The following GPM6B variants were observed in gnomAD, a reference collection of about 807,000 sequenced individuals.
The protein encoded by GPM6B is neuronal membrane glycoprotein M6-b.
A neutral mutation model predicts 27.2 loss-of-function variants in GPM6B; 4 were observed. That is an observed-to-expected ratio of 0.15 (90% CI 0.07 to 0.34). The LOEUF (loss-of-function observed/expected upper bound fraction) is 0.34, where lower values mean the gene tolerates loss of function less well. Among genes scored for constraint, GPM6B ranks in the 10% least tolerant of loss-of-function variants. GPM6B has a pLI of 1.00. For missense variants in GPM6B, 183 were observed against 261.9 expected, an observed-to-expected ratio of 0.70 and a Z score of 2.08; for synonymous variants, 124 against 103.1, an observed-to-expected ratio of 1.20 and a Z score of -1.23.
intron 1 of GPM6B, among the ~76,000 whole-genome samples, chrX:13,811,203 C>T (rs750439446): frequency 1.8e-5 from 2 of 112,411 alleles, no homozygotes; most frequent in Non-Finnish European, 3.8e-5. Context: ...ACAGACACAG[C>T]TGTGAGTGGT....
intron 2 of GPM6B, among the ~76,000 whole-genome samples, chrX:13,794,927 T>C (rs2048782071): frequency 1.8e-5 from 2 of 112,041 alleles, no homozygotes; most frequent in Non-Finnish European, 3.8e-5. Flanking sequence ...ACCCCCTTTC[T>C]TGAAAGAATG....
At chrX:13,888,982 T>C (rs1396680163) in intron 1 of GPM6B, 1 of 111,661 alleles carries the variant, frequency 9.0e-6, no homozygotes. Context: ...ACAATTTACC[T>C]GGGGCCTTTG....
intron 7 of GPM6B, chrX:13,774,681 T>A: frequency 1.0e-6 from 1 of 957,317 alleles, no homozygotes; most frequent in Non-Finnish European, 1.5e-6. Context: ...GCCGATGCCA[T>A]GACACTTCTA....
intron 1 of GPM6B, among the ~76,000 whole-genome samples, chrX:13,863,479 G>A (rs2049875448): frequency 9.0e-6 from 1 of 111,520 alleles, no homozygotes; most frequent in Non-Finnish European, 1.9e-5. Flanking sequence ...CAGCCCCAGA[G>A]AAAACCACAA....
In GPM6B at chrX:13,868,189, T is replaced by TTG. The variant is rs59057250; in HGVS notation, c.-198+70136_-198+70137dup. Among the ~76,000 whole-genome samples, 777 of 106,914 alleles carry TTG rather than the reference T, an allele frequency of 7.3e-3. 10 individuals are homozygous for TTG. The highest frequency in any genetic ancestry group is 0.024 in the African/African-American group (699 of 29,222). The allele number at this position is 106,914 out of a possible 115,157, so 92.8% of individuals were successfully genotyped here. A position where few individuals can be genotyped will look rare whatever the true frequency, so the allele number is the denominator to read the frequency against. ...CAAAAGTTGCTCATAGACATTTAAATTGTGTGTGTGTGTGTGTGTGTGTAC... is the reference window on the plus strand; with the variant it reads ...CAAAAGTTGCTCATAGACATTTAAATTGTGTGTGTGTGTGTGTGTGTGTGTAC... On this transcript the variant is annotated intron_variant, in intron 1 of 6. Coordinates refer to the GPM6B transcript ENST00000398361.
At chrX:13,871,266 G>T (rs1447790642) in intron 1 of GPM6B, among the ~76,000 whole-genome samples, 1 of 111,536 alleles carries the variant, frequency 9.0e-6, no homozygotes, top group Admixed American at 9.5e-5. Context: ...TGTATTCACT[G>T]GTTAATTCCA....
intron 1 of GPM6B, among the ~76,000 whole-genome samples, chrX:13,830,795 C>T (rs913487590): frequency 4.5e-5 from 5 of 111,663 alleles, no homozygotes; most frequent in African/African-American, 1.6e-4. Flanking sequence ...GAAAGGGAAA[C>T]GTTTTTATTT....
intron 2 of GPM6B, among the ~76,000 whole-genome samples, chrX:13,807,256 C>T (rs981937751): frequency 5.3e-5 from 6 of 112,398 alleles, no homozygotes; most frequent in East Asian, 2.8e-4. Flanking sequence ...AGGGCCAAGG[C>T]TCCTTGAAGG....
At chrX:13,871,254 C>T (rs2049975497) in intron 1 of GPM6B, among the ~76,000 whole-genome samples, 2 of 111,764 alleles carry the variant, frequency 1.8e-5, no homozygotes, top group African/African-American at 6.5e-5. Context: ...GGCTAACTGA[C>T]TTGTATTCAC....
chrX:13,830,840 G>A (rs2049430236), intron 1 of GPM6B, among the ~76,000 whole-genome samples: 1 of 111,227 alleles, frequency 9.0e-6, no homozygotes, highest in African/African-American at 3.3e-5. Context: ...CCTGCCTTTT[G>A]AACAACTGGC....
intron 2 of GPM6B, among the ~76,000 whole-genome samples, chrX:13,806,496 C>A (rs965400938): frequency 9.0e-6 from 1 of 111,731 alleles, no homozygotes; most frequent in East Asian, 2.8e-4. Flanking sequence ...CCCTATTTAG[C>A]CAGCGCTGCA....
chrX:13,868,664 G>A (rs1439186808), intron 1 of GPM6B, among the ~76,000 whole-genome samples: 1 of 112,138 alleles, frequency 8.9e-6, no homozygotes, highest in East Asian at 2.8e-4. Flanking sequence ...AAATTCCATG[G>A]CACAGAATAA....
intron 1 of GPM6B, among the ~76,000 whole-genome samples, chrX:13,903,415 A>G (rs751576565): frequency 4.5e-5 from 5 of 112,177 alleles, no homozygotes; most frequent in Non-Finnish European, 9.4e-5. Flanking sequence ...CCTGAAAGGT[A>G]AGTATAATCC....
At chrX:13,878,098 C>A (rs767053196) in intron 1 of GPM6B, among the ~76,000 whole-genome samples, 77 of 109,848 alleles carry the variant, frequency 7.0e-4, no homozygotes, top group African/African-American at 2.5e-3. Context: ...TTGACGAGGT[C>A]AGAAGTAACT....
chrX:13,837,470 G>A (rs1239837489), intron 1 of GPM6B, among the ~76,000 whole-genome samples: 1 of 111,117 alleles, frequency 9.0e-6, no homozygotes, highest in African/African-American at 3.3e-5. Flanking sequence ...CAGGCAGCCC[G>A]CAGACCCAGG....
At chrX:13,803,401 C>G (rs1050856718) in intron 2 of GPM6B, among the ~76,000 whole-genome samples, 3 of 111,131 alleles carry the variant, frequency 2.7e-5, no homozygotes, top group Admixed American at 9.5e-5. Flanking sequence ...CTCCAGAGGG[C>G]CCTCCTCTCC....
intron 1 of GPM6B, among the ~76,000 whole-genome samples, chrX:13,913,514 C>T (rs762522344): frequency 2.9e-4 from 32 of 111,043 alleles, no homozygotes; most frequent in Non-Finnish European, 2.8e-4. Flanking sequence ...CCTCAGTGTT[C>T]AATGTAACTT....
chrX:13,862,260 C>T (rs1414049031), intron 1 of GPM6B, among the ~76,000 whole-genome samples: 1 of 111,823 alleles, frequency 8.9e-6, no homozygotes, highest in African/African-American at 3.3e-5. Context: ...CCCTTGCTTC[C>T]TGGAAGCAAG....
intron 1 of GPM6B, among the ~76,000 whole-genome samples, chrX:13,916,663 A>ATGTGTGTGTGTG (rs55844856): frequency 0.018 from 1,632 of 90,153 alleles, 25 homozygotes; most frequent in Non-Finnish European, 0.028. Flanking sequence ...TAGTTTATTA[A>ATGTGTGTGTGTG]TGTGTGTGTG....
Sources: allele counts gnomAD v4.1 joint callset (sites outside exome capture counted in the v4.1 genomes callset), GRCh38; gene constraint gnomAD v4.1.1; transcripts MANE v1.5; gene names NCBI Gene and HGNC (gene_info 2026-07-23, HGNC 2026-07-21).